The following GRIA3 variants were observed in gnomAD, a reference collection of about 807,000 sequenced individuals.
GRIA3 encodes the protein glutamate receptor 3.
Under a neutral mutation model 63.0 loss-of-function variants are expected in GRIA3, and 3 were observed. That is an observed-to-expected ratio of 0.05 (90% CI 0.02 to 0.12). The LOEUF (loss-of-function observed/expected upper bound fraction) is 0.12. GRIA3 is among the 10% of genes least tolerant of loss of function. GRIA3 has a pLI of 1.00. For synonymous variants in GRIA3, 274 were observed against 257.9 expected (o/e 1.06, Z -0.60); for missense variants, 347 against 700.9 (o/e 0.50, Z 5.70).
chrX:123,471,107 T>C (rs988367555), intron 13 of GRIA3, among the ~76,000 whole-genome samples: 1 of 111,352 alleles, frequency 9.0e-6, no homozygotes, highest in African/African-American at 3.3e-5. Context: ...CCTGGAAGTA[T>C]GAAGAACCTG....
At chrX:123,421,287 G>T (rs1186272157) in intron 11 of GRIA3, among the ~76,000 whole-genome samples, 17 of 111,610 alleles carry the variant, frequency 1.5e-4, no homozygotes, top group Non-Finnish European at 3.2e-4. Context: ...ATGCTTCTTA[G>T]CATATTTCTG....
At chrX:123,214,880 G>A (rs1233238730) in intron 2 of GRIA3, among the ~76,000 whole-genome samples, 3 of 111,826 alleles carry the variant, frequency 2.7e-5, no homozygotes, top group Non-Finnish European at 3.8e-5. Context: ...TGCAAAGTCA[G>A]GAGCCCTACC....
chrX:123,453,446 T>G (rs1396278560), intron 12 of GRIA3, among the ~76,000 whole-genome samples: 4 of 110,563 alleles, frequency 3.6e-5, no homozygotes, highest in African/African-American at 1.3e-4. Flanking sequence ...ATGTAAATGA[T>G]GAGTTAATGG....
At chrX:123,320,399 T>C (rs2044860219) in intron 3 of GRIA3, among the ~76,000 whole-genome samples, 3 of 112,171 alleles carry the variant, frequency 2.7e-5, no homozygotes, top group Admixed American at 9.4e-5. Flanking sequence ...GCTGAAAGGA[T>C]AACATGTTAT....
intron 2 of GRIA3, among the ~76,000 whole-genome samples, chrX:123,190,592 G>T (rs1011869151): frequency 3.6e-5 from 4 of 111,370 alleles, no homozygotes; most frequent in Admixed American, 2.9e-4. Context: ...ACTAAATCAG[G>T]GGGGACAGCA....
rs759580810 is a variant in GRIA3 at position 123,483,050 on chromosome X, C to T, written c.*2+4C>T. ...CAGAGAGTGTTAAGATCTAGGGGTACGGTTAAGGTCTAGTAAACTAATCAG... is the reference window on the plus strand; with the variant it reads ...CAGAGAGTGTTAAGATCTAGGGGTATGGTTAAGGTCTAGTAAACTAATCAG... On this transcript the variant is annotated splice_donor_region_variant and intron_variant, in intron 15 of 15. Coordinates refer to ENST00000620443, the MANE Select transcript of GRIA3 (RefSeq NM_007325.5). 20 of 1,183,363 alleles carry T rather than the reference C, an allele frequency of 1.7e-5. No individual in the cohort carries two copies. Among genetic ancestry groups the T allele is most frequent in the Non-Finnish European group, 2.3e-5 (20 of 870,876 alleles).
chrX:123,331,241 G>A (rs1472763014), intron 4 of GRIA3, among the ~76,000 whole-genome samples: 1 of 112,074 alleles, frequency 8.9e-6, no homozygotes, highest in Non-Finnish European at 1.9e-5. Flanking sequence ...CATCATGGAT[G>A]ATGTGAAGGT....
intron 2 of GRIA3, among the ~76,000 whole-genome samples, chrX:123,243,975 A>G (rs962930358): frequency 3.6e-5 from 4 of 112,581 alleles, no homozygotes; most frequent in African/African-American, 9.7e-5. Flanking sequence ...TTACATTTAC[A>G]TGTGCAAAAT....
chrX:123,230,647 T>A (rs945703198), intron 2 of GRIA3, among the ~76,000 whole-genome samples: 1 of 111,630 alleles, frequency 9.0e-6, no homozygotes, highest in Non-Finnish European at 1.9e-5. Context: ...GAAAATTGCC[T>A]ACTCAACCTA....
At chrX:123,241,775 A>T (rs911743008) in intron 2 of GRIA3, among the ~76,000 whole-genome samples, 2 of 111,277 alleles carry the variant, frequency 1.8e-5, no homozygotes, top group Non-Finnish European at 3.8e-5. Flanking sequence ...TGGGATGCAT[A>T]TTGTCAGATG....
At chrX:123,186,772 G>T (rs749127601) in intron 2 of GRIA3, among the ~76,000 whole-genome samples, 4 of 111,642 alleles carry the variant, frequency 3.6e-5, no homozygotes, top group Non-Finnish European at 7.5e-5. Context: ...GCAAAGAGGG[G>T]GCAGGAGGAG....
At chrX:123,185,304 G>T (rs1259820126) in intron 1 of GRIA3, among the ~76,000 whole-genome samples, 3 of 111,704 alleles carry the variant, frequency 2.7e-5, no homozygotes, top group African/African-American at 9.8e-5. Flanking sequence ...GGCGCCTGGA[G>T]GGAGTTATCT....
Position 123,354,945 on chromosome X carries a change from C to T in GRIA3, c.732C>T (p.His244=). 8.4e-7 allele frequency: 1 copy of T among 1,195,257 alleles called. No individual in the cohort carries two copies. Among genetic ancestry groups the T allele is most frequent in the Non-Finnish European group, 1.1e-6 (1 of 880,389 alleles). ...TAGGGAAACACTCAAGAGGTTATCA[C>T]TACATGCTCGCTAACCTGGTAAGAA... ...VILGKHSRGY[H]YMLANLGFTD... The change falls in exon 5 of 16, where the codon CAC becomes CAT. Residue 244 remains histidine, a synonymous_variant. Coordinates refer to ENST00000620443, the MANE Select transcript of GRIA3 (RefSeq NM_007325.5).
At chrX:123,394,050 C>G (rs1048101140) in intron 5 of GRIA3, among the ~76,000 whole-genome samples, 1 of 112,353 alleles carries the variant, frequency 8.9e-6, no homozygotes, top group Non-Finnish European at 1.9e-5. Flanking sequence ...GTGGTGGATA[C>G]TATGTAGTAG....
At chrX:123,383,486 C>T (rs1013580947) in intron 5 of GRIA3, among the ~76,000 whole-genome samples, 4 of 111,157 alleles carry the variant, frequency 3.6e-5, no homozygotes, top group African/African-American at 9.8e-5. Flanking sequence ...TCTCTACTTC[C>T]GTGAGATCAA....
intron 11 of GRIA3, among the ~76,000 whole-genome samples, chrX:123,420,966 A>G (rs1461998522): frequency 9.0e-6 from 1 of 111,528 alleles, no homozygotes. Flanking sequence ...ATCACAACTC[A>G]GTATACACAT....
At chrX:123,306,356 C>T (rs983069174) in intron 3 of GRIA3, among the ~76,000 whole-genome samples, 1 of 112,015 alleles carries the variant, frequency 8.9e-6, no homozygotes, top group Non-Finnish European at 1.9e-5. Context: ...ACACTCTTCC[C>T]TAGAAAGAAG....
Position 123,184,340 on chromosome X carries a change from GAGA to G in GRIA3, c.-189_-187del, listed in dbSNP as rs762647288. On this transcript the variant is annotated 5_prime_UTR_variant, in exon 1 of 16. Coordinates refer to ENST00000620443, the MANE Select transcript of GRIA3 (RefSeq NM_007325.5). ...AATAAGAGAGAGAGTAAGAGGGAGA[GAGA>G]AGAAGAGGAAGAAGAGGAGGCGGCG... 117 of 462,603 alleles carry G rather than the reference GAGA, an allele frequency of 2.5e-4. 1 individual carries two copies. The South Asian group carries it at 3.2e-3, about 13-fold the overall frequency. The allele number at this position is 462,603 out of a possible 1,213,427, so 38.1% of individuals were successfully genotyped here.
At chrX:123,287,785 A>G (rs766660181) in intron 3 of GRIA3, among the ~76,000 whole-genome samples, 200 of 111,969 alleles carry the variant, frequency 1.8e-3, no homozygotes, top group African/African-American at 6.3e-3. Flanking sequence ...CAAATAGAAA[A>G]ACATTCCATG....
Sources: gnomAD v4.1 joint callset for allele counts (sites outside exome capture counted in the v4.1 genomes callset) on GRCh38, gnomAD v4.1.1 for gene constraint, MANE v1.5 for transcripts, NCBI Gene and HGNC (gene_info 2026-07-23, HGNC 2026-07-21) for gene names.